NOL4: variants seen among roughly 807,000 people sequenced by gnomAD.
NOL4 encodes cancer/testis antigen 125.
In NOL4, 17 loss-of-function variants were observed where a neutral mutation model predicts 75.9. The observed-to-expected ratio is 0.22, with a 90% confidence interval of 0.15 to 0.34. NOL4 has a LOEUF of 0.34. Among genes scored for constraint, NOL4 ranks in the 10% least tolerant of loss-of-function variants. The pLI, the probability that NOL4 is intolerant of heterozygous loss-of-function variation, is 1.00. For missense variants in NOL4, 614 were observed against 793.5 expected (o/e 0.77, Z 2.72); for synonymous variants, 292 against 289.9 (o/e 1.01, Z -0.07).
At chr18:33,892,190 G>C (rs2065133052) in intron 9 of NOL4, among the ~76,000 whole-genome samples, 1 of 152,208 alleles carries the variant, frequency 6.6e-6, no homozygotes, top group East Asian at 1.9e-4. Context: ...CAATGCTTGG[G>C]AGGCTGAGGT....
intron 1 of NOL4, among the ~76,000 whole-genome samples, chr18:34,180,896 C>G (rs1277696682): frequency 6.6e-6 from 1 of 151,224 alleles, no homozygotes; most frequent in Non-Finnish European, 1.5e-5. Context: ...ACACTGTAAA[C>G]TTTCAAAACA....
At chr18:34,147,125 C>G (rs1239612248) in intron 1 of NOL4, among the ~76,000 whole-genome samples, 6 of 152,068 alleles carry the variant, frequency 3.9e-5, no homozygotes, top group Non-Finnish European at 7.4e-5. Flanking sequence ...TGGGCTGAGA[C>G]GATGGGGTTT....
At chr18:34,079,753 ATAATT>A (rs1335434172) in intron 5 of NOL4, among the ~76,000 whole-genome samples, 1 of 152,196 alleles carries the variant, frequency 6.6e-6, no homozygotes, top group Non-Finnish European at 1.5e-5. Context: ...TGTCTCTTCT[ATAATT>A]TATTCATTCA....
chr18:33,997,429 T>C (rs1249167971), intron 6 of NOL4, among the ~76,000 whole-genome samples: 1 of 151,808 alleles, frequency 6.6e-6, no homozygotes, highest in African/African-American at 2.4e-5. Flanking sequence ...GATTGTTTTA[T>C]ATATCTGTTT....
intron 5 of NOL4, chr18:34,048,392 A>G: frequency 1.0e-6 from 1 of 955,854 alleles, no homozygotes; most frequent in Non-Finnish European, 1.2e-6. Flanking sequence ...CAAGACTTAG[A>G]CAAACCTCAT....
intron 2 of NOL4, among the ~76,000 whole-genome samples, chr18:34,125,917 A>G (rs1443977244): frequency 6.6e-6 from 1 of 151,968 alleles, no homozygotes; most frequent in Non-Finnish European, 1.5e-5. Flanking sequence ...ATGCTTTCTT[A>G]TAAACCCAAA....
At chr18:33,987,766 T>C (rs2072577541) in intron 6 of NOL4, among the ~76,000 whole-genome samples, 1 of 152,090 alleles carries the variant, frequency 6.6e-6, no homozygotes, top group African/African-American at 2.4e-5. Context: ...CAGTATACGG[T>C]TGATCTCCTA....
intron 5 of NOL4, among the ~76,000 whole-genome samples, chr18:34,074,126 A>G (rs779388307): frequency 7.2e-5 from 11 of 151,828 alleles, no homozygotes; most frequent in Non-Finnish European, 1.0e-4. Flanking sequence ...TAGTCAAAGA[A>G]TTGTATTTTT....
chr18:33,869,957 T>A (rs2063616000), intron 10 of NOL4, among the ~76,000 whole-genome samples: 1 of 152,096 alleles, frequency 6.6e-6, no homozygotes. Flanking sequence ...GTGGATGGAT[T>A]CCCATTAATG....
intron 5 of NOL4, among the ~76,000 whole-genome samples, chr18:34,022,354 T>C (rs142862060): frequency 1.3e-5 from 2 of 151,954 alleles, no homozygotes; most frequent in Non-Finnish European, 2.9e-5. Context: ...TAGGAAAATT[T>C]AGGAAACTGG....
chr18:34,028,239 G>A (rs955879781), intron 5 of NOL4, among the ~76,000 whole-genome samples: 2 of 152,132 alleles, frequency 1.3e-5, no homozygotes, highest in African/African-American at 4.8e-5. Flanking sequence ...ATAAAGCGCA[G>A]TAGATTCTAT....
intron 1 of NOL4, among the ~76,000 whole-genome samples, chr18:34,186,768 C>T (rs1463670147): frequency 6.6e-6 from 1 of 152,056 alleles, no homozygotes; most frequent in East Asian, 1.9e-4. Context: ...TATAAATTCC[C>T]AAACACATGG....
In NOL4 at chr18:33,877,071, A is replaced by C. The variant is rs976299387; in HGVS notation, c.1723+6173T>G. 1.3e-5 allele frequency among the ~76,000 whole-genome samples: 2 copies of C among 152,068 alleles called. 1 individual carries two copies. The highest frequency in any genetic ancestry group is 4.8e-5 in the African/African-American group (2 of 41,432). ...TTAAATTCAGCTACACTCAGCCCAA[A>C]GTCATTGCTCAAAGAAATTCACATC... is the stretch of plus-strand genomic sequence containing the variant. On this transcript the variant is annotated intron_variant, in intron 10 of 10. Coordinates refer to ENST00000261592, the MANE Select transcript of NOL4 (RefSeq NM_003787.5).
At chr18:33,957,781 C>A (rs1268951441) in intron 7 of NOL4, among the ~76,000 whole-genome samples, 1 of 151,964 alleles carries the variant, frequency 6.6e-6, no homozygotes, top group Non-Finnish European at 1.5e-5. Context: ...AGAAAAAAAT[C>A]AGGAAATAAC....
chr18:34,028,013 T>C (rs577334228), intron 5 of NOL4, among the ~76,000 whole-genome samples: 17 of 152,316 alleles, frequency 1.1e-4, no homozygotes, highest in African/African-American at 4.1e-4. Context: ...AATTTAAAAA[T>C]CTGTCTTGGA....
intron 10 of NOL4, among the ~76,000 whole-genome samples, chr18:33,874,894 GAGGAATCATTAA>G (rs757767768): frequency 1.3e-5 from 2 of 151,930 alleles, no homozygotes; most frequent in Non-Finnish European, 2.9e-5. Flanking sequence ...GACCTGAGCT[GAGGAATCATTAA>G]AGACAAAACC....
chr18:33,870,780 CA>C (rs972926238), intron 10 of NOL4, among the ~76,000 whole-genome samples: 1 of 151,594 alleles, frequency 6.6e-6, no homozygotes, highest in African/African-American at 2.4e-5. Flanking sequence ...TAGGCACCAA[CA>C]AAAAAAATCC....
intron 5 of NOL4, among the ~76,000 whole-genome samples, chr18:34,082,887 G>A (rs2078074398): frequency 6.6e-6 from 1 of 152,214 alleles, no homozygotes; most frequent in South Asian, 2.1e-4. Context: ...GGGAGAGATG[G>A]GCTGACTGAT....
intron 10 of NOL4, among the ~76,000 whole-genome samples, chr18:33,881,273 A>G (rs1012459787): frequency 4.0e-5 from 6 of 149,872 alleles, no homozygotes; most frequent in Admixed American, 6.7e-5. Context: ...GGGCTGAGAC[A>G]ATGGGGTTTT....
Sources: allele counts gnomAD v4.1 joint callset (sites outside exome capture counted in the v4.1 genomes callset), GRCh38; gene constraint gnomAD v4.1.1; transcripts MANE v1.5; gene names NCBI Gene and HGNC (gene_info 2026-07-23, HGNC 2026-07-21).